DSCAM: variants seen among roughly 807,000 people sequenced by gnomAD.
DSCAM encodes DS cell adhesion molecule, also known as cell adhesion molecule DSCAM.
A neutral mutation model predicts 217.7 loss-of-function variants in DSCAM; 47 were observed. The ratio of observed to expected loss-of-function variants is 0.22; its 90% CI spans 0.17 to 0.28. DSCAM has a LOEUF of 0.28. Ranked by LOEUF, DSCAM falls within the 10% of genes least tolerant of loss-of-function variation. The pLI is 1.00. For missense variants in DSCAM, 2,080 were observed against 2,618.3 expected, an observed-to-expected ratio of 0.79 and a Z score of 4.49; for synonymous variants, 1,056 against 1,015.3, an observed-to-expected ratio of 1.04 and a Z score of -0.76.
chr21:40,818,044 C>G (rs924175748), intron 1 of DSCAM, among the ~76,000 whole-genome samples: 5 of 133,328 alleles, frequency 3.8e-5, no homozygotes, highest in African/African-American at 1.4e-4. Flanking sequence ...TGCAGTGAGC[C>G]GAGATTGCGC....
At chr21:40,353,015 T>C (rs2074649862) in intron 5 of DSCAM, among the ~76,000 whole-genome samples, 1 of 152,194 alleles carries the variant, frequency 6.6e-6, no homozygotes, top group South Asian at 2.1e-4. Context: ...AATAGCCTCA[T>C]TTAGAAATTT....
intron 11 of DSCAM, among the ~76,000 whole-genome samples, chr21:40,224,869 A>G (rs1396566208): frequency 2.0e-5 from 3 of 152,246 alleles, no homozygotes; most frequent in Non-Finnish European, 4.4e-5. Context: ...ACTTCAAAAA[A>G]GATAACAAGT....
At chr21:40,392,739 T>C (rs1044870652) in intron 3 of DSCAM, among the ~76,000 whole-genome samples, 1 of 152,152 alleles carries the variant, frequency 6.6e-6, no homozygotes, top group African/African-American at 2.4e-5. Context: ...AAGATGCTAT[T>C]GAAGAGATGC....
At position 40,094,348 on chromosome 21, in the gene DSCAM, AG is replaced by A. The variant is rs1225650871; in HGVS notation, c.3697-475del. 2.6e-4 allele frequency among the ~76,000 whole-genome samples: 40 copies of A among 152,354 alleles called. 1 individual carries two copies. The highest frequency in any genetic ancestry group is 3.4e-3 in the Middle Eastern group (1 of 294). On this transcript the variant is annotated intron_variant, in intron 20 of 32. Coordinates refer to ENST00000400454, the MANE Select transcript of DSCAM (RefSeq NM_001389.5). ...GTGTAAATTTTATTTCTGATAAAAT[AG>A]AGAGCTCCACCTCCTCAACTCGGGA...
intron 9 of DSCAM, among the ~76,000 whole-genome samples, chr21:40,297,867 C>T (rs1020817559): frequency 6.6e-6 from 1 of 152,186 alleles, no homozygotes; most frequent in African/African-American, 2.4e-5. Context: ...TGGTGTCCAG[C>T]TTTTCTATTT....
intron 3 of DSCAM, among the ~76,000 whole-genome samples, chr21:40,632,187 G>A (rs907587501): frequency 1.3e-5 from 2 of 152,162 alleles, no homozygotes; most frequent in Non-Finnish European, 2.9e-5. Context: ...TCATGAGCCT[G>A]TCAGAAATAG....
intron 11 of DSCAM, among the ~76,000 whole-genome samples, chr21:40,253,795 C>G (rs2073336528): frequency 6.6e-6 from 1 of 152,268 alleles, no homozygotes; most frequent in African/African-American, 2.4e-5. Flanking sequence ...GCTCAGGACC[C>G]TTCCGGATCT....
intron 3 of DSCAM, among the ~76,000 whole-genome samples, chr21:40,680,118 T>C (rs1045591609): frequency 6.6e-6 from 1 of 152,198 alleles, no homozygotes; most frequent in Non-Finnish European, 1.5e-5. Context: ...TACTATAATG[T>C]TATTTTTATT....
chr21:40,791,027 A>T (rs1175452374), intron 1 of DSCAM, among the ~76,000 whole-genome samples: 1 of 151,824 alleles, frequency 6.6e-6, no homozygotes, highest in African/African-American at 2.4e-5. Context: ...AAATAAAAAT[A>T]AAAAAAATTA....
intron 20 of DSCAM, 128 bp from the exon 21 acceptor site, chr21:40,094,002 G>C (rs918721414): frequency 3.1e-6 from 3 of 968,578 alleles, no homozygotes; most frequent in African/African-American, 1.7e-5. Flanking sequence ...CCTCTAAAAG[G>C]CTGGCTTTGC....
chr21:40,469,560 G>A (rs2075871779), intron 3 of DSCAM, among the ~76,000 whole-genome samples: 1 of 152,170 alleles, frequency 6.6e-6, no homozygotes, highest in Non-Finnish European at 1.5e-5. Context: ...AAGGAAAAAT[G>A]TAATCATAGC....
chr21:40,549,505 A>G (rs997976929), intron 3 of DSCAM, among the ~76,000 whole-genome samples: 11 of 152,198 alleles, frequency 7.2e-5, no homozygotes, highest in African/African-American at 2.4e-4. Context: ...CTCAGCATCC[A>G]TATGACCAAA....
At chr21:40,599,660 A>G (rs938661520) in intron 3 of DSCAM, among the ~76,000 whole-genome samples, 1 of 152,240 alleles carries the variant, frequency 6.6e-6, no homozygotes, top group Non-Finnish European at 1.5e-5. Context: ...AAAAAAATCA[A>G]TGAATCCAGG....
At chr21:40,417,836 A>G (rs1169326073) in intron 3 of DSCAM, among the ~76,000 whole-genome samples, 1 of 152,202 alleles carries the variant, frequency 6.6e-6, no homozygotes, top group African/African-American at 2.4e-5. Context: ...AAAATACAAA[A>G]AAAAAGTTGT....
chr21:40,660,760 A>C (rs1012937560), intron 3 of DSCAM, among the ~76,000 whole-genome samples: 1 of 152,222 alleles, frequency 6.6e-6, no homozygotes, highest in African/African-American at 2.4e-5. Flanking sequence ...TGACCTAAGA[A>C]TCCCTCTGCC....
intron 14 of DSCAM, among the ~76,000 whole-genome samples, chr21:40,184,307 G>GT (rs1362844067): frequency 6.6e-6 from 1 of 152,226 alleles, no homozygotes; most frequent in Non-Finnish European, 1.5e-5. Context: ...TCGTACAGCA[G>GT]TGAGTACAGG....
intron 27 of DSCAM, among the ~76,000 whole-genome samples, chr21:40,069,568 T>A (rs989633051): frequency 6.6e-6 from 1 of 152,258 alleles, no homozygotes; most frequent in Non-Finnish European, 1.5e-5. Flanking sequence ...TACATTTTCA[T>A]ATCTGAAGTT....
chr21:40,712,469 CAAAAAAAAAAAAAAA>C (rs571819417), intron 1 of DSCAM, among the ~76,000 whole-genome samples: 3 of 27,332 alleles, frequency 1.1e-4, no homozygotes, highest in South Asian at 1.7e-3. Context: ...GACTCCGTCT[CAAAAAAAAAAAAAAA>C]AAAAAAAAAA....
At chr21:40,067,742 T>TTCCCTCCC (rs763376801) in intron 27 of DSCAM, among the ~76,000 whole-genome samples, 3 of 39,852 alleles carry the variant, frequency 7.5e-5, no homozygotes, top group African/African-American at 2.6e-4. Flanking sequence ...CCTCCCCTCA[T>TTCCCTCCC]TCCCTCCCTC....
Sources: allele counts gnomAD v4.1 joint callset (sites outside exome capture counted in the v4.1 genomes callset), GRCh38; gene constraint gnomAD v4.1.1; transcripts MANE v1.5; gene names NCBI Gene and HGNC (gene_info 2026-07-23, HGNC 2026-07-21).